The following ENAH variants were observed in gnomAD, a reference collection of about 807,000 sequenced individuals.
ENAH encodes the protein ENAH actin regulator, also known as protein enabled homolog.
A neutral mutation model predicts 78.7 loss-of-function variants in ENAH; 23 were observed. The ratio of observed to expected loss-of-function variants is 0.29; its 90% CI spans 0.21 to 0.41. The LOEUF (loss-of-function observed/expected upper bound fraction) is 0.41. Ranked by LOEUF, ENAH falls within the 10% of genes least tolerant of loss-of-function variation. ENAH has a pLI of 1.00. For missense variants in ENAH, 544 were observed against 691.0 expected, an observed-to-expected ratio of 0.79 and a Z score of 2.39; for synonymous variants, 226 against 241.0, an observed-to-expected ratio of 0.94 and a Z score of 0.58.
chr1:225,637,568 G>A lies in ENAH; in HGVS notation c.5+15118C>T, dbSNP rs762493681. ...CACACGGGAACCACACATTATGAAG[G>A]GAAGGTAGGGTGACAGATCTAGGGG... On this transcript the variant is annotated intron_variant, in intron 1 of 13. Coordinates refer to ENST00000366843, the MANE Select transcript of ENAH (RefSeq NM_018212.6). Among the ~76,000 whole-genome samples, 44 of 152,230 alleles carry A rather than the reference G, an allele frequency of 2.9e-4. 1 individual carries two copies. Among genetic ancestry groups the A allele is most frequent in the South Asian group, 1.0e-3 (5 of 4,824 alleles).
rs12073846 is a variant in ENAH, at chr1:225,600,887, A to C, written c.6-33473T>G. ...TACCAGGAAATAAAAAAGACTAAAA[A>C]AAAGAAAAAGAAAGAATATTAATTG... On this transcript the variant is annotated intron_variant, in intron 1 of 13. Transcript: ENST00000366843. Among the ~76,000 whole-genome samples, 231 of 152,292 alleles carry C rather than the reference A, an allele frequency of 1.5e-3. 1 individual carries two copies. Among genetic ancestry groups the C allele is most frequent in the African/African-American group, 5.1e-3 (213 of 41,564 alleles).
chr1:225,636,110 CTAA>C (rs1660014956), intron 1 of ENAH, among the ~76,000 whole-genome samples: 1 of 152,122 alleles, frequency 6.6e-6, no homozygotes, highest in Non-Finnish European at 1.5e-5. Flanking sequence ...AGAACCCTGG[CTAA>C]TAATGATAGG....
chr1:225,583,517 T>G (rs1196309166), intron 1 of ENAH, among the ~76,000 whole-genome samples: 1 of 148,380 alleles, frequency 6.7e-6, no homozygotes, highest in Non-Finnish European at 1.5e-5. Context: ...CTGTAAGAAA[T>G]GAAGAGCATT....
Position 225,519,324 on chromosome 1 carries a change from TCTCCCGATCCAGGCGTTC to T in ENAH, c.658_675del (p.Glu220_Glu225del), listed in dbSNP as rs1330987961. The stretch of plus-strand genomic sequence containing the variant: ...CTCTCTCGTTCTTGTCTTTCTTGCC[TCTCCCGATCCAGGCGTTC>T]CTGCCGCTCCAGGCGTTCCTGCCGC... On this transcript the variant is annotated inframe_deletion, in exon 5 of 14. Transcript: ENST00000366843. The T allele has an allele frequency of 6.2e-6, 10 of 1,606,240 alleles. No homozygotes were observed. Among genetic ancestry groups the T allele is most frequent in the African/African-American group, 1.4e-5 (1 of 74,044 alleles).
At chr1:225,629,062 G>A (rs1329986738) in intron 1 of ENAH, among the ~76,000 whole-genome samples, 1 of 151,666 alleles carries the variant, frequency 6.6e-6, no homozygotes, top group Admixed American at 6.6e-5. Flanking sequence ...GGCAGATAAC[G>A]AGGTCAAGAG....
intron 1 of ENAH, among the ~76,000 whole-genome samples, chr1:225,607,192 C>T (rs1354695732): frequency 1.3e-5 from 2 of 152,140 alleles, no homozygotes; most frequent in Admixed American, 1.3e-4. Flanking sequence ...ACTTGGGCCA[C>T]ACGTAAAATA....
chr1:225,517,633 A>G (rs1344182995), intron 5 of ENAH: 17 of 1,550,678 alleles, frequency 1.1e-5, no homozygotes, highest in Non-Finnish European at 1.4e-5. Flanking sequence ...GAGGGGCGAA[A>G]AATTGGAAGT....
chr1:225,490,026 A>C lies in ENAH; in HGVS notation c.*7749T>G, dbSNP rs2096215276. On this transcript the variant is annotated 3_prime_UTR_variant, in exon 14 of 14. Transcript: ENST00000366843. ...AGTGGCAAGGAAAAAATAAAAACAAAACAAAAAGAATTTAAAAAAAGAACT... is the reference window on the plus strand; with the variant it reads ...AGTGGCAAGGAAAAAATAAAAACAACACAAAAAGAATTTAAAAAAAGAACT... 1 of 152,126 alleles carries C rather than the reference A, an allele frequency of 6.6e-6. No individual in the cohort carries two copies. Among genetic ancestry groups the C allele is most frequent in the Non-Finnish European group, 1.5e-5 (1 of 68,042 alleles). 9.4% of individuals were successfully genotyped at this position (152,126 alleles called of 1,614,324 possible).
At chr1:225,552,620 T>A (rs2096646963) in intron 3 of ENAH, among the ~76,000 whole-genome samples, 1 of 152,196 alleles carries the variant, frequency 6.6e-6, no homozygotes, top group Admixed American at 6.5e-5. Context: ...ACTACAGAAC[T>A]AAAAGCTTCC....
At chr1:225,633,470 A>G (rs1480419329) in intron 1 of ENAH, among the ~76,000 whole-genome samples, 1 of 152,220 alleles carries the variant, frequency 6.6e-6, no homozygotes, top group Non-Finnish European at 1.5e-5. Flanking sequence ...ATGAAAAATG[A>G]AATTTGAGAA....
rs1261936433 is a variant in ENAH, at chr1:225,514,654, C to T, written c.1160G>A (p.Arg387His). The change falls in exon 7 of 14, where the codon CGC becomes CAC. Residue 387 changes from arginine to histidine, a missense_variant. Physicochemically the swap from Arg to His is conservative, Grantham distance 29. Transcript: ENST00000366843. Reference sequence around the variant, plus strand: ...TGCAGCTGCAAGTCCAGTTAAAGGGCGATTGTCTTCTGACATGGATGCCAA... The same window carrying T: ...TGCAGCTGCAAGTCCAGTTAAAGGGTGATTGTCTTCTGACATGGATGCCAA... ...FFLASMSEDN[R>H]PLTGLAAAIA... 1.4e-5 allele frequency: 23 copies of T among 1,608,134 alleles called. No individual in the cohort carries two copies. The highest frequency in any genetic ancestry group is 4.1e-5 in the African/African-American group (3 of 73,410).
In ENAH at chr1:225,519,039, A is replaced by G. The variant is rs2096444423; in HGVS notation, c.802+159T>C. 8.5e-6 allele frequency: 10 copies of G among 1,181,866 alleles called. 1 individual carries two copies. The South Asian group carries it at 1.5e-4, about 17-fold the overall frequency. 73.2% of individuals were successfully genotyped at this position (1,181,866 alleles called of 1,614,324 possible). A position where few individuals can be genotyped will look rare whatever the true frequency, so the allele number is the denominator to read the frequency against. ...AGCAATACAGAGAGAAATAAAAAGA[A>G]AATGTTAAAGTAGTAATTGCTGCAT... On this transcript the variant is annotated intron_variant, in intron 5 of 13. Transcript: ENST00000366843.
chr1:225,504,478 T>C (rs952808616), intron 11 of ENAH, among the ~76,000 whole-genome samples: 1 of 152,222 alleles, frequency 6.6e-6, no homozygotes, highest in Non-Finnish European at 1.5e-5. Context: ...AAAAACTAGT[T>C]CTTAAGTCTT....
At chr1:225,566,532 G>A (rs890309051) in intron 2 of ENAH, among the ~76,000 whole-genome samples, 1 of 152,170 alleles carries the variant, frequency 6.6e-6, no homozygotes, top group African/African-American at 2.4e-5. Flanking sequence ...GATTTTTAAA[G>A]TCAGTTGATT....
chr1:225,576,831 G>A (rs569520676), intron 1 of ENAH, among the ~76,000 whole-genome samples: 1 of 152,292 alleles, frequency 6.6e-6, no homozygotes, highest in South Asian at 2.1e-4. Flanking sequence ...ACTTTTCAGA[G>A]CTGTGAGAAA....
At chr1:225,614,075 T>C (rs2097009286) in intron 1 of ENAH, among the ~76,000 whole-genome samples, 2 of 152,080 alleles carry the variant, frequency 1.3e-5, no homozygotes, top group African/African-American at 2.4e-5. Flanking sequence ...TTTTTTTTTT[T>C]TGAGATGGAG....
In ENAH at chr1:225,488,272, C is replaced by T. The variant is rs1374564839; in HGVS notation, c.*9503G>A. On this transcript the variant is annotated 3_prime_UTR_variant, in exon 14 of 14. Transcript: ENST00000366843. Reference sequence around the variant, plus strand: ...GGCTCAAGTGATCCTTCTGCCTCAGCCCCCCGAGTCGCTGTGCCTAGGAGC... The same window carrying T: ...GGCTCAAGTGATCCTTCTGCCTCAGTCCCCCGAGTCGCTGTGCCTAGGAGC... The T allele has an allele frequency of 6.6e-6, 1 of 152,100 alleles. No individual in the cohort carries two copies. Among genetic ancestry groups the T allele is most frequent in the African/African-American group, 2.4e-5 (1 of 41,414 alleles). The allele number at this position is 152,100 out of a possible 1,614,324, so 9.4% of individuals were successfully genotyped here. A position where few individuals can be genotyped will look rare whatever the true frequency, so the allele number is the denominator to read the frequency against.
chr1:225,652,223 T>A, intron 1 of ENAH: 2 of 612,762 alleles, frequency 3.3e-6, no homozygotes, highest in Non-Finnish European at 4.1e-6. Context: ...CCCGCAGAGA[T>A]TTCAGACCTT....
intron 3 of ENAH, among the ~76,000 whole-genome samples, chr1:225,535,155 A>G (rs1364087865): frequency 6.6e-6 from 1 of 152,196 alleles, no homozygotes; most frequent in African/African-American, 2.4e-5. Context: ...ATTAAGATGG[A>G]CATAAATTTT....
Sources: allele counts gnomAD v4.1 joint callset (sites outside exome capture counted in the v4.1 genomes callset), GRCh38; gene constraint gnomAD v4.1.1; transcripts MANE v1.5; gene names NCBI Gene and HGNC (gene_info 2026-07-23, HGNC 2026-07-21).